EPB41L2: variants seen among roughly 807,000 people sequenced by gnomAD.
EPB41L2 encodes erythrocyte membrane protein band 4.1 like 2.
Under a neutral mutation model 113.0 loss-of-function variants are expected in EPB41L2, and 43 were observed. The ratio of observed to expected loss-of-function variants is 0.38; its 90% CI spans 0.30 to 0.49. The LOEUF is 0.49. Among genes scored for constraint, EPB41L2 ranks in the 20% least tolerant of loss-of-function variants. The pLI is 0.95. For missense variants in EPB41L2, 1,147 were observed against 1,223.4 expected, an observed-to-expected ratio of 0.94 and a Z score of 0.93; for synonymous variants, 442 against 436.7, an observed-to-expected ratio of 1.01 and a Z score of -0.15.
chr6:130,910,988 C>A (rs902231246), intron 4 of EPB41L2, among the ~76,000 whole-genome samples: 2 of 152,178 alleles, frequency 1.3e-5, no homozygotes, highest in African/African-American at 4.8e-5. Context: ...GGCTCTAGAA[C>A]TAGAAACACC....
At chr6:130,905,526 C>T (rs188153414) in intron 5 of EPB41L2, among the ~76,000 whole-genome samples, 77 of 151,944 alleles carry the variant, frequency 5.1e-4, no homozygotes, top group African/African-American at 1.8e-3. Flanking sequence ...CTAAGTGATC[C>T]TCCCATCCTA....
intron 1 of EPB41L2, among the ~76,000 whole-genome samples, chr6:131,047,589 C>T (rs904442792): frequency 6.6e-6 from 1 of 152,168 alleles, no homozygotes; most frequent in African/African-American, 2.4e-5. Flanking sequence ...TTGTCAGCTA[C>T]AGCTATAATG....
chr6:130,966,842 A>G (rs1241950064), intron 1 of EPB41L2, among the ~76,000 whole-genome samples: 1 of 152,082 alleles, frequency 6.6e-6, no homozygotes, highest in African/African-American at 2.4e-5. Flanking sequence ...ACAAATGAAC[A>G]TCGACTCCAG....
chr6:130,926,661 T>C lies in EPB41L2; in HGVS notation c.754A>G (p.Asn252Asp), dbSNP rs1408315923. Residue 252 changes from asparagine (N) to aspartate (D), a missense_variant, in exon 4 of 20, where the codon AAT (asparagine) becomes GAT (aspartate). Asn to Asp is a conservative substitution (Grantham distance 23). Transcript: ENST00000337057. ...CCAAAGTAGTCTTTCTCCAAGAGAT[T>C]GAGGTGTTCACACACTTTGTCAAAT... is the stretch of plus-strand genomic sequence containing the variant. ...VLFDKVCEHLNLLEKDYFGLL... is the reference protein window; with the variant it reads ...VLFDKVCEHLDLLEKDYFGLL... 1.2e-6 allele frequency: 2 copies of C among 1,610,398 alleles called. No individual in the cohort carries two copies. The highest frequency in any genetic ancestry group is 2.7e-5 in the African/African-American group (2 of 74,766).
At chr6:130,947,406 AAAC>A (rs1263500683) in intron 3 of EPB41L2, among the ~76,000 whole-genome samples, 1 of 152,208 alleles carries the variant, frequency 6.6e-6, no homozygotes, top group Non-Finnish European at 1.5e-5. Context: ...GAAAAAGAAC[AAAC>A]AATAACTACA....
chr6:130,971,795 T>G (rs1776852936), intron 1 of EPB41L2, among the ~76,000 whole-genome samples: 1 of 152,368 alleles, frequency 6.6e-6, no homozygotes, highest in South Asian at 2.1e-4. Context: ...CCTACTCATT[T>G]TTATCTATAA....
intron 8 of EPB41L2, among the ~76,000 whole-genome samples, chr6:130,897,126 C>T (rs1037442192): frequency 1.3e-5 from 2 of 152,000 alleles, no homozygotes; most frequent in African/African-American, 2.4e-5. Flanking sequence ...GGGTGTCCCG[C>T]TTCTCTTATG....
chr6:131,007,204 C>T (rs1272600858), intron 1 of EPB41L2, among the ~76,000 whole-genome samples: 1 of 152,164 alleles, frequency 6.6e-6, no homozygotes, highest in Admixed American at 6.5e-5. Flanking sequence ...ACCAGGTGGG[C>T]AGTTTCCCCG....
intron 3 of EPB41L2, among the ~76,000 whole-genome samples, chr6:130,947,301 G>A (rs1243433828): frequency 1.3e-5 from 2 of 152,050 alleles, no homozygotes; most frequent in Non-Finnish European, 2.9e-5. Context: ...TCTCTCCATT[G>A]TTGTAAACAC....
At chr6:131,023,749 A>ATC (rs1457824553) in intron 1 of EPB41L2, among the ~76,000 whole-genome samples, 1 of 76,166 alleles carries the variant, frequency 1.3e-5, no homozygotes, top group Non-Finnish European at 2.5e-5. Context: ...CTATATATCT[A>ATC]TATATAGATA....
chr6:130,983,733 T>C (rs1469841853), intron 1 of EPB41L2, among the ~76,000 whole-genome samples: 1 of 152,064 alleles, frequency 6.6e-6, no homozygotes, highest in Non-Finnish European at 1.5e-5. Context: ...TGCACCATGT[T>C]GTGCAGGCTG....
chr6:130,978,888 G>C (rs922317681), intron 1 of EPB41L2: 1 of 152,218 alleles, frequency 6.6e-6, no homozygotes, highest in Non-Finnish European at 1.5e-5. Context: ...GGATAAGAAG[G>C]AGCTTACTGG....
chr6:130,846,624 G>C (rs770669765), intron 19 of EPB41L2, among the ~76,000 whole-genome samples: 1 of 152,280 alleles, frequency 6.6e-6, no homozygotes. Context: ...GCTGGAACAT[G>C]TTCATGCTGT....
In EPB41L2 at chr6:130,956,330, T is replaced by G. The variant is rs1050880868; in HGVS notation, c.156A>C (p.Ala52=). 1 of 1,614,202 alleles carries G rather than the reference T, an allele frequency of 6.2e-7. No individual in the cohort carries two copies. The highest frequency in any genetic ancestry group is 8.5e-7 in the Non-Finnish European group (1 of 1,180,034). ...EEEKGSQPPP[A]AESQSSLRRQ... The stretch of plus-strand genomic sequence containing the variant: ...GGCGTAGACTACTTTGGCTTTCAGC[T>G]GCAGGAGGTGGCTGGGAACCTTTTT... Residue 52 remains alanine (A), a synonymous_variant, in exon 2 of 20, where the codon GCA becomes GCC. Transcript: ENST00000337057.
intron 1 of EPB41L2, among the ~76,000 whole-genome samples, chr6:131,004,600 G>C (rs1461497566): frequency 6.6e-6 from 1 of 152,170 alleles, no homozygotes; most frequent in African/African-American, 2.4e-5. Flanking sequence ...GCTCTCCAGA[G>C]GAAGAAGTGC....
chr6:130,873,823 G>A (rs1027751524), intron 14 of EPB41L2, among the ~76,000 whole-genome samples: 5 of 152,148 alleles, frequency 3.3e-5, no homozygotes, highest in Non-Finnish European at 7.3e-5. Context: ...CCTTCATACT[G>A]TGAGCTAAGA....
At chr6:130,977,748 T>G (rs1409100787) in intron 1 of EPB41L2, among the ~76,000 whole-genome samples, 1 of 152,254 alleles carries the variant, frequency 6.6e-6, no homozygotes, top group Non-Finnish European at 1.5e-5. Flanking sequence ...TATGCTCCCA[T>G]GTTGCCAGTT....
At chr6:130,923,575 C>T (rs56140098) in intron 4 of EPB41L2, among the ~76,000 whole-genome samples, 1,680 of 152,282 alleles carry the variant, frequency 0.011, 17 homozygotes, top group Non-Finnish European at 0.015. Context: ...CAGCCAAAGT[C>T]CACTCACACA....
At chr6:130,903,670 A>G (rs1213813061) in intron 6 of EPB41L2, among the ~76,000 whole-genome samples, 2 of 122,046 alleles carry the variant, frequency 1.6e-5, no homozygotes, top group African/African-American at 2.5e-5. Flanking sequence ...TATAAAAATC[A>G]TCCTTTAAAA....
Sources: allele counts gnomAD v4.1 joint callset (sites outside exome capture counted in the v4.1 genomes callset), GRCh38; gene constraint gnomAD v4.1.1; transcripts MANE v1.5; gene names NCBI Gene and HGNC (gene_info 2026-07-23, HGNC 2026-07-21).